PCDH9: variants seen among roughly 807,000 people sequenced by gnomAD.
PCDH9 encodes protocadherin-9.
PCDH9 carries 24 observed loss-of-function variants against 70.6 expected under a neutral mutation model. The ratio of observed to expected loss-of-function variants is 0.34; its 90% CI spans 0.25 to 0.48. The LOEUF (loss-of-function observed/expected upper bound fraction) is 0.48. PCDH9 is among the 20% of genes least tolerant of loss of function. PCDH9 has a pLI of 0.99. For missense variants in PCDH9, 1,281 were observed against 1,503.6 expected, an observed-to-expected ratio of 0.85 and a Z score of 2.45; for synonymous variants, 562 against 558.5, an observed-to-expected ratio of 1.01 and a Z score of -0.09.
At chr13:66,774,893 T>C (rs1594042503) in intron 3 of PCDH9, among the ~76,000 whole-genome samples, 1 of 152,230 alleles carries the variant, frequency 6.6e-6, no homozygotes, top group Non-Finnish European at 1.5e-5. Context: ...CTTGGTTCCC[T>C]GGGAATTTCA....
chr13:66,824,547 C>A (rs2080776413), intron 3 of PCDH9, among the ~76,000 whole-genome samples: 1 of 147,238 alleles, frequency 6.8e-6, no homozygotes, highest in Non-Finnish European at 1.5e-5. Context: ...TCCAGCTACC[C>A]GGTAGGCTGA....
chr13:66,711,392 C>CAAAAAAAAAA (rs5804291), intron 3 of PCDH9, among the ~76,000 whole-genome samples: 1 of 128,620 alleles, frequency 7.8e-6, no homozygotes, highest in Non-Finnish European at 1.7e-5. Flanking sequence ...AAGAAAATTG[C>CAAAAAAAAAA]AAAAAAAAAA....
chr13:66,738,790 G>GA (rs547987911), intron 3 of PCDH9, among the ~76,000 whole-genome samples: 2 of 151,818 alleles, frequency 1.3e-5, no homozygotes, highest in South Asian at 2.1e-4. Context: ...GAAGTTCAGA[G>GA]AAAAAAAATA....
At chr13:66,690,755 T>G (rs749631065) in intron 3 of PCDH9, among the ~76,000 whole-genome samples, 1 of 152,200 alleles carries the variant, frequency 6.6e-6, no homozygotes, top group Admixed American at 6.5e-5. Flanking sequence ...CCTGGTTTTA[T>G]TCCCTGAATT....
intron 2 of PCDH9, among the ~76,000 whole-genome samples, chr13:67,130,416 CA>C (rs1254781242): frequency 6.6e-6 from 1 of 151,688 alleles, no homozygotes; most frequent in Non-Finnish European, 1.5e-5. Context: ...ATGAATTATC[CA>C]AACTTAATAG....
At chr13:66,940,501 G>A (rs9529158) in intron 2 of PCDH9, among the ~76,000 whole-genome samples, 24,359 of 151,894 alleles carry the variant, frequency 0.16, 2,135 homozygotes, top group Non-Finnish European at 0.18. Flanking sequence ...GATTATCTTA[G>A]TACCTTATTA....
intron 2 of PCDH9, among the ~76,000 whole-genome samples, chr13:67,121,884 G>GTT (rs551542423): frequency 6.6e-6 from 1 of 150,998 alleles, no homozygotes; most frequent in African/African-American, 2.5e-5. Flanking sequence ...TTGTTTTGTT[G>GTT]TTTTTTTAAA....
chr13:66,331,712 GAC>G (rs1410624965), intron 4 of PCDH9, among the ~76,000 whole-genome samples: 9 of 152,162 alleles, frequency 5.9e-5, no homozygotes, highest in Admixed American at 3.3e-4. Flanking sequence ...CTAGGAACAA[GAC>G]AGAGTATCCC....
intron 3 of PCDH9, among the ~76,000 whole-genome samples, chr13:66,886,342 C>G (rs894767936): frequency 1.3e-5 from 2 of 152,046 alleles, no homozygotes; most frequent in Admixed American, 1.3e-4. Flanking sequence ...TCCAACCTCC[C>G]GCGCAAAACA....
intron 4 of PCDH9, among the ~76,000 whole-genome samples, chr13:66,332,273 G>A (rs998371328): frequency 1.3e-5 from 2 of 152,118 alleles, no homozygotes; most frequent in South Asian, 2.1e-4. Flanking sequence ...GAAACAAGAA[G>A]TAAGGTGTAT....
At chr13:67,137,846 C>CA (rs1451315536) in intron 2 of PCDH9, among the ~76,000 whole-genome samples, 3 of 151,578 alleles carry the variant, frequency 2.0e-5, no homozygotes, top group East Asian at 1.9e-4. Context: ...TGGCTTTTAC[C>CA]AAAAAAAGCA....
chr13:66,328,803 G>A (rs1955891170), intron 4 of PCDH9, among the ~76,000 whole-genome samples: 1 of 152,052 alleles, frequency 6.6e-6, no homozygotes, highest in African/African-American at 2.4e-5. Flanking sequence ...CAAAGATATT[G>A]AATTGAGCTT....
At chr13:66,607,294 T>C (rs1205645957) in intron 4 of PCDH9, among the ~76,000 whole-genome samples, 2 of 152,074 alleles carry the variant, frequency 1.3e-5, no homozygotes, top group African/African-American at 2.4e-5. Flanking sequence ...TTGATAAGTA[T>C]GAGAATGCAA....
At chr13:66,822,040 A>G (rs893195148) in intron 3 of PCDH9, among the ~76,000 whole-genome samples, 5 of 152,006 alleles carry the variant, frequency 3.3e-5, no homozygotes, top group Non-Finnish European at 5.9e-5. Context: ...TTTTTAACAC[A>G]TTGGTACACA....
intron 2 of PCDH9, among the ~76,000 whole-genome samples, chr13:67,028,266 T>C (rs1319347793): frequency 2.0e-5 from 3 of 148,038 alleles, no homozygotes; most frequent in Non-Finnish European, 4.5e-5. Flanking sequence ...ATGTCCTTTG[T>C]AGGGACATGG....
intron 3 of PCDH9, among the ~76,000 whole-genome samples, chr13:66,817,882 C>T (rs1385214430): frequency 6.6e-6 from 1 of 152,142 alleles, no homozygotes; most frequent in East Asian, 1.9e-4. Context: ...CTGGCCTTTG[C>T]CTTCCAAAGT....
At chr13:66,543,553 T>A (rs1226877536) in intron 4 of PCDH9, among the ~76,000 whole-genome samples, 1 of 148,976 alleles carries the variant, frequency 6.7e-6, no homozygotes, top group Non-Finnish European at 1.5e-5. Context: ...GGAGACAGAG[T>A]GAGACTCCGT....
At chr13:66,316,148 C>T (rs1039579218) in intron 4 of PCDH9, among the ~76,000 whole-genome samples, 1 of 152,150 alleles carries the variant, frequency 6.6e-6, no homozygotes, top group African/African-American at 2.4e-5. Context: ...ATCACCATCT[C>T]CTCTGACTCC....
intron 3 of PCDH9, among the ~76,000 whole-genome samples, chr13:66,725,464 T>G (rs757903086): frequency 3.3e-5 from 5 of 152,148 alleles, no homozygotes; most frequent in Admixed American, 6.5e-5. Context: ...GCTTTTAATT[T>G]TTTTCCCAAG....
Sources: gnomAD v4.1 joint callset for allele counts (sites outside exome capture counted in the v4.1 genomes callset) on GRCh38, gnomAD v4.1.1 for gene constraint, MANE v1.5 for transcripts, NCBI Gene and HGNC (gene_info 2026-07-23, HGNC 2026-07-21) for gene names.